HACD2: variants seen among roughly 807,000 people sequenced by gnomAD.
HACD2 encodes very-long-chain (3R)-3-hydroxyacyl-CoA dehydratase 2.
Under a neutral mutation model 31.0 loss-of-function variants are expected in HACD2, and 15 were observed. That is an observed-to-expected ratio of 0.48 (90% CI 0.32 to 0.75). The LOEUF (loss-of-function observed/expected upper bound fraction) is 0.75, where lower values mean the gene tolerates loss of function less well. Among genes scored for constraint, HACD2 ranks in the 30% least tolerant of loss-of-function variants. The pLI is 0.03. For synonymous variants in HACD2, 115 were observed against 122.2 expected (o/e 0.94, Z 0.39); for missense variants, 283 against 313.0 (o/e 0.90, Z 0.72).
rs55844728 is a variant in HACD2 at position 123,569,988 on chromosome 3, C to CAAAAAAAA, written c.274-2216_274-2209dup. On this transcript the variant is annotated intron_variant, in intron 2 of 6. Coordinates refer to ENST00000383657, the MANE Select transcript of HACD2 (RefSeq NM_198402.5). ...TGGGCGAGAGAGCAACACTCCATCT[C>CAAAAAAAA]AAAAAAAAAAAAAAAAAAAAAAAAA... Among the ~76,000 whole-genome samples, 29 of 38,714 alleles carry CAAAAAAAA rather than the reference C, an allele frequency of 7.5e-4. 4 individuals carry two copies. Among genetic ancestry groups the CAAAAAAAA allele is most frequent in the Non-Finnish European group, 1.1e-3 (22 of 20,224 alleles). The allele number at this position is 38,714 out of a possible 152,430, so 25.4% of individuals were successfully genotyped here.
chr3:123,509,521 T>G (rs1292983518), intron 4 of HACD2, among the ~76,000 whole-genome samples: 1 of 142,938 alleles, frequency 7.0e-6, no homozygotes, highest in Non-Finnish European at 1.5e-5. Context: ...TTTTTTGAGA[T>G]GGAGTCTCGC....
intron 3 of HACD2, among the ~76,000 whole-genome samples, chr3:123,533,841 G>C (rs1446082465): frequency 6.6e-6 from 1 of 152,148 alleles, no homozygotes; most frequent in Non-Finnish European, 1.5e-5. Flanking sequence ...AGGTGATGAG[G>C]GGTGACCAAA....
intron 2 of HACD2, among the ~76,000 whole-genome samples, chr3:123,570,275 A>G (rs1365250017): frequency 6.6e-6 from 1 of 152,188 alleles, no homozygotes; most frequent in East Asian, 1.9e-4. Flanking sequence ...TGATACACAA[A>G]GAAGAAATAA....
At chr3:123,572,061 T>C (rs1404965577) in intron 2 of HACD2, among the ~76,000 whole-genome samples, 1 of 152,150 alleles carries the variant, frequency 6.6e-6, no homozygotes, top group Non-Finnish European at 1.5e-5. Flanking sequence ...GCAATTGAAA[T>C]ACTCTCACAA....
chr3:123,532,984 A>T (rs1047990925), intron 3 of HACD2, among the ~76,000 whole-genome samples: 1 of 152,108 alleles, frequency 6.6e-6, no homozygotes, highest in African/African-American at 2.4e-5. Context: ...ATGTTAAGAA[A>T]GGTTTGCTCC....
At chr3:123,531,244 A>G (rs1324411073) in intron 3 of HACD2, among the ~76,000 whole-genome samples, 1 of 152,110 alleles carries the variant, frequency 6.6e-6, no homozygotes, top group Non-Finnish European at 1.5e-5. Context: ...CTCCACTATA[A>G]ATCACCCTTC....
At chr3:123,577,561 C>A in intron 2 of HACD2, among the ~76,000 whole-genome samples, 1 of 147,658 alleles carries the variant, frequency 6.8e-6, no homozygotes, top group East Asian at 2.0e-4. Context: ...GCGGAGCTTG[C>A]AGTGAGCCGA....
At chr3:123,567,180 C>G (rs1000528430) in intron 3 of HACD2, among the ~76,000 whole-genome samples, 19 of 152,084 alleles carry the variant, frequency 1.2e-4, no homozygotes, top group Admixed American at 1.0e-3. Context: ...AGGTTCTAGC[C>G]ACCCCAAACT....
At position 123,494,694 on chromosome 3, in the gene HACD2, G is replaced by A. The variant is rs1288030265; in HGVS notation, c.*194C>T. 3 of 604,608 alleles carry A rather than the reference G, an allele frequency of 5.0e-6. No homozygotes were observed. Among genetic ancestry groups the A allele is most frequent in the Non-Finnish European group, 8.7e-6 (3 of 344,764 alleles). The allele number at this position is 604,608 out of a possible 1,614,324, so 37.5% of individuals were successfully genotyped here. ...CATGCTGAAATGAACTGGCCAGGGT[G>A]TTTTATGTAACAACCTTTTTCTAAA... On this transcript the variant is annotated 3_prime_UTR_variant, in exon 7 of 7. Transcript: ENST00000383657.
chr3:123,581,066 C>T (rs1368955233), intron 2 of HACD2, among the ~76,000 whole-genome samples: 8 of 152,016 alleles, frequency 5.3e-5, no homozygotes, highest in South Asian at 2.1e-4. Flanking sequence ...GTGATCCACC[C>T]GCCTCGGCCT....
intron 3 of HACD2, among the ~76,000 whole-genome samples, chr3:123,563,529 T>C (rs1197304614): frequency 1.3e-5 from 2 of 152,150 alleles, no homozygotes; most frequent in Non-Finnish European, 2.9e-5. Flanking sequence ...GTGTGGAGCA[T>C]GGACTTGGAG....
chr3:123,565,097 A>T (rs1017069508), intron 3 of HACD2, among the ~76,000 whole-genome samples: 1 of 152,152 alleles, frequency 6.6e-6, no homozygotes, highest in Non-Finnish European at 1.5e-5. Context: ...CCCACTGCCC[A>T]ACAGCACCTG....
At chr3:123,507,998 T>TA (rs1173913083) in intron 4 of HACD2, among the ~76,000 whole-genome samples, 11 of 146,758 alleles carry the variant, frequency 7.5e-5, no homozygotes. Context: ...CCCCCTCTCT[T>TA]AAAAAAAGAA....
At chr3:123,549,298 C>T (rs1259704541) in intron 3 of HACD2, among the ~76,000 whole-genome samples, 1 of 152,014 alleles carries the variant, frequency 6.6e-6, no homozygotes, top group East Asian at 1.9e-4. Flanking sequence ...TCTGAGCAGC[C>T]GTCATTAACA....
chr3:123,519,059 C>A (rs997578521), intron 4 of HACD2, among the ~76,000 whole-genome samples: 14 of 146,916 alleles, frequency 9.5e-5, no homozygotes, highest in Non-Finnish European at 1.2e-4. Flanking sequence ...GGTGCCAAAA[C>A]CTGTCCTGCT....
intron 3 of HACD2, among the ~76,000 whole-genome samples, chr3:123,559,879 T>A (rs1168290572): frequency 6.6e-6 from 1 of 152,160 alleles, no homozygotes; most frequent in Non-Finnish European, 1.5e-5. Flanking sequence ...GCTCACTGAG[T>A]GCTTGCAAAG....
At chr3:123,572,993 T>C in intron 2 of HACD2, among the ~76,000 whole-genome samples, 1 of 152,150 alleles carries the variant, frequency 6.6e-6, no homozygotes, top group Middle Eastern at 3.2e-3. Context: ...GGAATAGAGA[T>C]GTAGCTGCTA....
At chr3:123,503,679 C>T (rs903550940) in intron 4 of HACD2, among the ~76,000 whole-genome samples, 1 of 148,592 alleles carries the variant, frequency 6.7e-6, no homozygotes, top group Non-Finnish European at 1.5e-5. Flanking sequence ...AACACCCTTG[C>T]ACCCCAATTT....
chr3:123,516,529 C>T (rs754267218), intron 4 of HACD2, among the ~76,000 whole-genome samples: 2 of 152,226 alleles, frequency 1.3e-5, no homozygotes, highest in South Asian at 2.1e-4. Context: ...CCACCATACC[C>T]GGCCAGATTT....
Sources: gnomAD v4.1 joint callset for allele counts (sites outside exome capture counted in the v4.1 genomes callset) on GRCh38, gnomAD v4.1.1 for gene constraint, MANE v1.5 for transcripts, NCBI Gene and HGNC (gene_info 2026-07-23, HGNC 2026-07-21) for gene names.